Variants in CERS3 observed in about 807,000 individuals in gnomAD.
CERS3 encodes LAG1 homolog, ceramide synthase 3.
A neutral mutation model predicts 50.3 loss-of-function variants in CERS3; 33 were observed. The ratio of observed to expected loss-of-function variants is 0.66; its 90% CI spans 0.50 to 0.88. CERS3 has a LOEUF of 0.88. CERS3 is among the 40% of genes least tolerant of loss of function. The pLI is 0.00. For synonymous variants in CERS3, 176 were observed against 155.2 expected, an observed-to-expected ratio of 1.13 and a Z score of -0.99; for missense variants, 470 against 460.3, an observed-to-expected ratio of 1.02 and a Z score of -0.19.
chr15:100,501,585 T>C (rs554839826), intron 3 of CERS3, 92 bp downstream of exon 3: 1 of 1,128,802 alleles, frequency 8.9e-7, no homozygotes, highest in African/African-American at 1.6e-5. Context: ...GAACAACAGA[T>C]TCTTTAAGGA....
chr15:100,491,087 C>G (rs983503237), intron 3 of CERS3, among the ~76,000 whole-genome samples, 156 bp from the exon 4 acceptor site: 2 of 151,546 alleles, frequency 1.3e-5, no homozygotes, highest in Non-Finnish European at 1.5e-5. Context: ...TCTCTCAAAA[C>G]AGAAAAGTTT....
intron 11 of CERS3, among the ~76,000 whole-genome samples, chr15:100,435,213 T>C (rs1187412469): frequency 6.6e-6 from 1 of 152,158 alleles, no homozygotes. Context: ...CCAGAAAACA[T>C]ACAAAGCAAG....
At chr15:100,420,341 T>C (rs2032330114) in intron 11 of CERS3, among the ~76,000 whole-genome samples, 1 of 151,940 alleles carries the variant, frequency 6.6e-6, no homozygotes, top group African/African-American at 2.4e-5. Context: ...AAGAAATGGA[T>C]AAATTCCTGG....
chr15:100,446,879 C>A (rs939165322), intron 11 of CERS3, among the ~76,000 whole-genome samples: 2 of 152,198 alleles, frequency 1.3e-5, no homozygotes, highest in African/African-American at 4.8e-5. Context: ...AATCCAGGCA[C>A]AGCTGACCAT....
chr15:100,501,950 G>T, intron 2 of CERS3, 100 bp from the exon 3 acceptor site: 1 of 1,293,056 alleles, frequency 7.7e-7, no homozygotes, highest in Non-Finnish European at 1.1e-6. Flanking sequence ...AGAGAGCTTA[G>T]AAAATAAGGC....
intron 11 of CERS3, among the ~76,000 whole-genome samples, chr15:100,423,943 CT>C (rs113638589): frequency 2.3e-3 from 319 of 139,594 alleles, no homozygotes; most frequent in Admixed American, 2.4e-3. Flanking sequence ...TTCTTTCTTT[CT>C]TTTTTTTTTT....
chr15:100,456,951 A>G (rs1182011866), intron 10 of CERS3, among the ~76,000 whole-genome samples: 1 of 151,720 alleles, frequency 6.6e-6, no homozygotes, highest in East Asian at 1.9e-4. Flanking sequence ...CGTGAAAAAA[A>G]AAAAAAAAAG....
At chr15:100,462,916 G>A (rs2654581) in intron 10 of CERS3, among the ~76,000 whole-genome samples, 115,110 of 152,156 alleles carry the variant, frequency 0.76, 45,074 homozygotes, top group Non-Finnish European at 0.87. Context: ...CATTTCCTGC[G>A]ATTGATAACT....
chr15:100,516,769 T>C (rs1251578488), intron 2 of CERS3, among the ~76,000 whole-genome samples: 2 of 152,160 alleles, frequency 1.3e-5, no homozygotes, highest in Non-Finnish European at 2.9e-5. Context: ...GGGTACCAAC[T>C]GTGCTAAGTA....
intron 1 of CERS3, among the ~76,000 whole-genome samples, chr15:100,541,796 G>T (rs1421888248): frequency 6.7e-6 from 1 of 149,938 alleles, no homozygotes; most frequent in East Asian, 1.9e-4. Flanking sequence ...ACAATATTTA[G>T]ATAAATAAAT....
chr15:100,426,705 C>A lies in CERS3; in HGVS notation c.1000-23840G>T, dbSNP rs112084979. Among the ~76,000 whole-genome samples the A allele has an allele frequency of 1.4e-3, 206 of 152,266 alleles. 3 individuals carry two copies. In the East Asian group the frequency reaches 0.036, roughly 26 times the overall value. On this transcript the variant is annotated intron_variant, in intron 11 of 11. Coordinates refer to ENST00000679737, the MANE Select transcript of CERS3 (RefSeq NM_001378789.1). ...AGATGACTCCCAAGTTTATATCCCC[C>A]GTGTGGGCCTCTTTCAGGCTTCAAA...
Position 100,469,401 on chromosome 15 carries a change from G to A in CERS3, c.822C>T (p.Ser274=). 1 of 1,613,874 alleles carries A rather than the reference G, an allele frequency of 6.2e-7. No homozygotes were observed. The highest frequency in any genetic ancestry group is 8.5e-7 in the Non-Finnish European group (1 of 1,179,804). Residue 274 remains serine, a synonymous_variant, in exon 10 of 12, where the codon AGC becomes AGT. Transcript: ENST00000679737. Reference sequence around the variant, plus strand: ...ACCAGAAAGGAAAAACAATGAGGCGGCTGATGAAAAATATGGTGGAGAAGA... The same window carrying A: ...ACCAGAAAGGAAAAACAATGAGGCGACTGATGAAAAATATGGTGGAGAAGA... The part of the protein sequence containing the change: ...FFIFSTIFFI[S]RLIVFPFWIL...
rs554097362 is a variant in CERS3, at chr15:100,512,836, C to G, written c.-2+8831G>C. Among the ~76,000 whole-genome samples the G allele has an allele frequency of 1.3e-4, 20 of 152,206 alleles. 1 individual carries two copies. Among genetic ancestry groups the G allele is most frequent in the Admixed American group, 6.5e-4 (10 of 15,280 alleles). ...AGCCCCCTCATTTTCCCTCCTAACACTGTTGGTAGAGTTTGCTTTACTTTA... is the reference window on the plus strand; with the variant it reads ...AGCCCCCTCATTTTCCCTCCTAACAGTGTTGGTAGAGTTTGCTTTACTTTA... On this transcript the variant is annotated intron_variant, in intron 2 of 11. Transcript: ENST00000679737.
intron 1 of CERS3, among the ~76,000 whole-genome samples, chr15:100,527,395 T>C (rs1384550993): frequency 6.6e-6 from 1 of 152,130 alleles, no homozygotes; most frequent in Non-Finnish European, 1.5e-5. Flanking sequence ...GTCAATGTTC[T>C]GTCCACCACA....
chr15:100,493,303 A>G (rs945126069), intron 3 of CERS3, among the ~76,000 whole-genome samples: 1 of 151,998 alleles, frequency 6.6e-6, no homozygotes, highest in Non-Finnish European at 1.5e-5. Flanking sequence ...TTTCTCTTTC[A>G]TTTTGAAGGA....
chr15:100,480,056 G>GA lies in CERS3; in HGVS notation c.408-11dup. On this transcript the variant is annotated splice_polypyrimidine_tract_variant and intron_variant, in intron 5 of 11. Transcript: ENST00000679737. ...AAATGCAAATCTCCAGCTGCCAAAA[G>GA]AAAGAAAAATCTTTACTCCCTTGTA... The GA allele has an allele frequency of 6.2e-7, 1 of 1,605,660 alleles. No individual in the cohort carries two copies. The highest frequency in any genetic ancestry group is 8.5e-7 in the Non-Finnish European group (1 of 1,175,586).
At chr15:100,418,934 C>T (rs1292900955) in intron 11 of CERS3, among the ~76,000 whole-genome samples, 1 of 150,534 alleles carries the variant, frequency 6.6e-6, no homozygotes, top group South Asian at 2.1e-4. Context: ...GAAGGAAGCA[C>T]TAAACATGGA....
intron 3 of CERS3, among the ~76,000 whole-genome samples, chr15:100,491,880 C>G (rs2035663162): frequency 7.9e-6 from 1 of 127,328 alleles, no homozygotes; most frequent in Admixed American, 9.2e-5. Context: ...TGATTTCTTT[C>G]TGTTATTGAT....
intron 1 of CERS3, among the ~76,000 whole-genome samples, chr15:100,534,416 C>T (rs952051565): frequency 2.6e-5 from 4 of 151,902 alleles, no homozygotes; most frequent in Admixed American, 2.6e-4. Flanking sequence ...AGAACAATAC[C>T]TGGCTCAGAG....
Sources: gnomAD v4.1 joint callset for allele counts (sites outside exome capture counted in the v4.1 genomes callset) on GRCh38, gnomAD v4.1.1 for gene constraint, MANE v1.5 for transcripts, NCBI Gene and HGNC (gene_info 2026-07-23, HGNC 2026-07-21) for gene names.